SAMD12: variants seen among roughly 807,000 people sequenced by gnomAD.
The protein encoded by SAMD12 is sterile alpha motif domain-containing protein 12.
A neutral mutation model predicts 15.0 loss-of-function variants in SAMD12; 9 were observed. The observed-to-expected ratio is 0.60, with a 90% confidence interval of 0.36 to 1.05. The LOEUF (loss-of-function observed/expected upper bound fraction) is 1.05, where lower values mean the gene tolerates loss of function less well. SAMD12 is among the 50% of genes least tolerant of loss of function. SAMD12 has a pLI of 0.01. For missense variants in SAMD12, 230 were observed against 234.2 expected (o/e 0.98, Z 0.12); for synonymous variants, 86 against 90.1 (o/e 0.96, Z 0.25).
chr8:118,139,811 G>A, the SAMD12 span, among the ~76,000 whole-genome samples: 1 of 152,128 alleles, frequency 6.6e-6, no homozygotes, highest in Non-Finnish European at 1.5e-5. Flanking sequence ...AAAGACTGAG[G>A]CCCATTTTCC....
At chr8:118,267,949 A>G (rs1228753555) in intron 4 of SAMD12, among the ~76,000 whole-genome samples, 3 of 152,078 alleles carry the variant, frequency 2.0e-5, no homozygotes, top group Non-Finnish European at 1.5e-5. Context: ...AAAATTAGCC[A>G]GGTATGGTGG....
At chr8:118,528,024 T>C (rs914395755) in intron 2 of SAMD12, among the ~76,000 whole-genome samples, 2 of 100,666 alleles carry the variant, frequency 2.0e-5, no homozygotes, top group Admixed American at 1.1e-4. Context: ...CTTTATAATA[T>C]ATATATATAT....
At chr8:118,538,699 T>C (rs190238042) in intron 2 of SAMD12, among the ~76,000 whole-genome samples, 1,605 of 152,316 alleles carry the variant, frequency 0.011, 32 homozygotes, top group African/African-American at 0.037. Flanking sequence ...GTTTCAGTGA[T>C]ATAAAGTCAA....
At chr8:118,507,222 C>G (rs1824944829) in intron 2 of SAMD12, among the ~76,000 whole-genome samples, 2 of 151,980 alleles carry the variant, frequency 1.3e-5, no homozygotes, top group African/African-American at 4.8e-5. Flanking sequence ...GAAAGTCTCC[C>G]CGACTTGTTT....
chr8:118,243,360 A>T (rs187336752), intron 4 of SAMD12, among the ~76,000 whole-genome samples: 1 of 152,250 alleles, frequency 6.6e-6, no homozygotes, highest in Non-Finnish European at 1.5e-5. Flanking sequence ...AGTCCCTTGA[A>T]AGAGCCGAAA....
the SAMD12 span, among the ~76,000 whole-genome samples, chr8:118,134,353 C>T: frequency 6.6e-6 from 1 of 152,254 alleles, no homozygotes; most frequent in Non-Finnish European, 1.5e-5. Context: ...GGGGCTTTTT[C>T]TGGAAGTCAC....
chr8:118,365,563 C>T (rs1818720669), intron 4 of SAMD12, among the ~76,000 whole-genome samples: 1 of 152,084 alleles, frequency 6.6e-6, no homozygotes, highest in Non-Finnish European at 1.5e-5. Context: ...GGACTTACAC[C>T]AGCAGCTCCC....
intron 2 of SAMD12, among the ~76,000 whole-genome samples, chr8:118,470,855 A>G (rs1333360917): frequency 6.6e-6 from 1 of 152,202 alleles, no homozygotes; most frequent in Non-Finnish European, 1.5e-5. Context: ...GGAAAAATTA[A>G]AGAGATCTGA....
At chr8:118,514,642 A>G (rs1294467375) in intron 2 of SAMD12, among the ~76,000 whole-genome samples, 1 of 152,216 alleles carries the variant, frequency 6.6e-6, no homozygotes, top group African/African-American at 2.4e-5. Context: ...GTCAACATAA[A>G]ATAATTAAAT....
At chr8:118,384,128 A>G (rs1480541833) in intron 3 of SAMD12, among the ~76,000 whole-genome samples, 1 of 152,108 alleles carries the variant, frequency 6.6e-6, no homozygotes, top group African/African-American at 2.4e-5. Context: ...GAGGGAATAG[A>G]AGTGTCAACG....
intron 2 of SAMD12, among the ~76,000 whole-genome samples, chr8:118,462,507 A>G (rs971207936): frequency 2.6e-5 from 4 of 152,134 alleles, no homozygotes; most frequent in African/African-American, 9.7e-5. Context: ...TGGATCATTA[A>G]AAAGGAAATA....
At chr8:118,447,914 G>C (rs1822966804) in intron 2 of SAMD12, among the ~76,000 whole-genome samples, 1 of 151,294 alleles carries the variant, frequency 6.6e-6, no homozygotes, top group African/African-American at 2.4e-5. Context: ...ATTTTTAGTA[G>C]AGACGGGGTT....
chr8:118,340,192 T>C (rs375332907), intron 4 of SAMD12, among the ~76,000 whole-genome samples: 4 of 152,144 alleles, frequency 2.6e-5, no homozygotes, highest in East Asian at 1.9e-4. Context: ...GATACACAAA[T>C]ATACACCCAA....
intron 3 of SAMD12, among the ~76,000 whole-genome samples, chr8:118,437,054 T>G (rs1822597503): frequency 6.6e-6 from 1 of 152,160 alleles, no homozygotes; most frequent in South Asian, 2.1e-4. Flanking sequence ...CACACCCTGG[T>G]GAGGTTTGCT....
At chr8:118,377,346 C>T (rs1819439427), downstream of SAMD12, among the ~76,000 whole-genome samples, 1 of 151,954 alleles carries the variant, frequency 6.6e-6, no homozygotes, top group Non-Finnish European at 1.5e-5. Context: ...TGCAGTGAGC[C>T]AAGATTGCGC....
chr8:118,490,738 TA>T (rs751785265), intron 2 of SAMD12, among the ~76,000 whole-genome samples: 3 of 152,020 alleles, frequency 2.0e-5, no homozygotes, highest in East Asian at 3.9e-4. Flanking sequence ...AAGCAGGAAA[TA>T]AAGAAGAAAA....
At chr8:118,423,750 T>C (rs574370206) in intron 3 of SAMD12, among the ~76,000 whole-genome samples, 20 of 152,298 alleles carry the variant, frequency 1.3e-4, no homozygotes, top group African/African-American at 4.8e-4. Flanking sequence ...TGAAAAGCTA[T>C]CTAAGGTCTT....
At chr8:118,246,579 T>C (rs1433708090) in intron 4 of SAMD12, among the ~76,000 whole-genome samples, 1 of 152,176 alleles carries the variant, frequency 6.6e-6, no homozygotes, top group Non-Finnish European at 1.5e-5. Context: ...TTATGTGTAC[T>C]CATATATTCC....
chr8:118,268,128 C>T (rs1191536240), intron 4 of SAMD12, among the ~76,000 whole-genome samples: 1 of 151,892 alleles, frequency 6.6e-6, no homozygotes, highest in East Asian at 1.9e-4. Flanking sequence ...CTACAACATC[C>T]CTCCTTCTGC....
Sources: gnomAD v4.1 joint callset for allele counts (sites outside exome capture counted in the v4.1 genomes callset) on GRCh38, gnomAD v4.1.1 for gene constraint, MANE v1.5 for transcripts, NCBI Gene and HGNC (gene_info 2026-07-23, HGNC 2026-07-21) for gene names.